Variants in RBM27 observed in about 807,000 individuals in gnomAD.
RBM27 encodes the protein RNA binding motif protein 27, also known as RNA-binding protein 27.
In RBM27, 22 loss-of-function variants were observed where a neutral mutation model predicts 135.3. The observed-to-expected ratio is 0.16, with a 90% CI of 0.12 to 0.23. RBM27 has a LOEUF of 0.23. RBM27 is among the 10% of genes least tolerant of loss of function. RBM27 has a pLI of 1.00. For synonymous variants in RBM27, 481 were observed against 442.4 expected (o/e 1.09, Z -1.10); for missense variants, 1,009 against 1,281.0 (o/e 0.79, Z 3.24).
chr5:146,282,430 C>T (rs113022421), intron 19 of RBM27, among the ~76,000 whole-genome samples: 7 of 152,112 alleles, frequency 4.6e-5, no homozygotes, highest in African/African-American at 1.7e-4. Context: ...TACAGTTGGC[C>T]CTTCATATGT....
intron 3 of RBM27, among the ~76,000 whole-genome samples, chr5:146,225,874 T>G (rs1756652143): frequency 6.6e-6 from 1 of 151,012 alleles, no homozygotes; most frequent in Non-Finnish European, 1.5e-5. Flanking sequence ...ACCTTTCTGG[T>G]TTTTTTTAGA....
chr5:146,262,707 C>A (rs897996736), intron 13 of RBM27, among the ~76,000 whole-genome samples: 1 of 152,182 alleles, frequency 6.6e-6, no homozygotes, highest in Non-Finnish European at 1.5e-5. Context: ...GTGAATGCTT[C>A]CCCTAGATGT....
chr5:146,252,599 A>G (rs1419021843), intron 9 of RBM27, among the ~76,000 whole-genome samples: 2 of 152,214 alleles, frequency 1.3e-5, no homozygotes, highest in Non-Finnish European at 2.9e-5. Context: ...CTTTTTAATC[A>G]TAATTTGCTA....
At chr5:146,243,846 T>C (rs187717238) in intron 8 of RBM27, among the ~76,000 whole-genome samples, 49 of 152,186 alleles carry the variant, frequency 3.2e-4, no homozygotes, top group Admixed American at 2.9e-3. Flanking sequence ...GGACCCAAAG[T>C]AAACACAGAA....
At chr5:146,210,438 A>C (rs1190482917) in intron 1 of RBM27, among the ~76,000 whole-genome samples, 1 of 152,148 alleles carries the variant, frequency 6.6e-6, no homozygotes, top group African/African-American at 2.4e-5. Context: ...GCCCCTAATT[A>C]CTTAAGGGGA....
intron 19 of RBM27, among the ~76,000 whole-genome samples, chr5:146,282,754 A>G (rs1201891522): frequency 6.6e-6 from 1 of 152,234 alleles, no homozygotes; most frequent in Non-Finnish European, 1.5e-5. Flanking sequence ...CCAAGTGATG[A>G]CTGTATGTGG....
intron 3 of RBM27, among the ~76,000 whole-genome samples, chr5:146,226,717 C>A (rs1276704765): frequency 6.6e-6 from 1 of 151,874 alleles, no homozygotes; most frequent in Non-Finnish European, 1.5e-5. Context: ...TAAAAAAAAA[C>A]AAAACTGTTA....
At chr5:146,271,749 A>G (rs1200618888) in intron 19 of RBM27, 75 bp downstream of exon 19, 4 of 1,302,790 alleles carry the variant, frequency 3.1e-6, no homozygotes, top group Non-Finnish European at 4.2e-6. Flanking sequence ...GTGTCTATAA[A>G]TGTCAGATGT....
At chr5:146,218,720 A>T (rs17429180) in intron 1 of RBM27, among the ~76,000 whole-genome samples, 31,894 of 152,168 alleles carry the variant, frequency 0.21, 4,259 homozygotes, top group Admixed American at 0.33. Flanking sequence ...TTGAGAGAAC[A>T]AATAAATGTA....
intron 1 of RBM27, among the ~76,000 whole-genome samples, chr5:146,207,044 C>G (rs2126664045): frequency 6.6e-6 from 1 of 152,118 alleles, no homozygotes; most frequent in South Asian, 2.1e-4. Flanking sequence ...AAATGATATG[C>G]TAAAGTGGGT....
chr5:146,227,572 A>C (rs530810152), intron 3 of RBM27, among the ~76,000 whole-genome samples: 151 of 152,262 alleles, frequency 9.9e-4, no homozygotes, highest in Non-Finnish European at 1.5e-3. Context: ...AACTCTTGCA[A>C]ATAACTTTAT....
At chr5:146,263,738 G>A in intron 14 of RBM27, 107 bp downstream of exon 14, 1 of 1,268,332 alleles carries the variant, frequency 7.9e-7, no homozygotes, top group Middle Eastern at 2.0e-4. Flanking sequence ...GTTAACCTAA[G>A]TGTGGCAGGT....
chr5:146,223,445 C>G lies in RBM27; in HGVS notation c.221C>G (p.Thr74Ser). The G allele has an allele frequency of 1.2e-6, 2 of 1,609,972 alleles. No homozygotes were observed. Residue 74 changes from threonine to serine, a missense_variant, in exon 3 of 21, where the codon ACT (threonine) becomes AGT (serine). Transcript: ENST00000265271. ...GACAAACTATTTGAAAGTCTCTATA[C>G]TAAGAACTACCTTCCACTTTTGGAA... ...FVDKLFESLY[T>S]KNYLPLLEPV...
chr5:146,275,897 C>T (rs1225364699), intron 19 of RBM27, among the ~76,000 whole-genome samples: 4 of 152,104 alleles, frequency 2.6e-5, no homozygotes, highest in Non-Finnish European at 2.9e-5. Flanking sequence ...TCCTTCTTTT[C>T]AAGAAGTCTA....
In RBM27 at chr5:146,230,712, T is replaced by C; in HGVS notation, c.645T>C (p.Tyr215=). The C allele has an allele frequency of 6.2e-7, 1 of 1,613,986 alleles. No homozygotes were observed. Among genetic ancestry groups the C allele is most frequent in the African/African-American group, 1.3e-5 (1 of 75,044 alleles). Residue 215 remains tyrosine (Y), a synonymous_variant, in exon 6 of 21, where the codon TAT becomes TAC. Transcript: ENST00000265271. The part of the protein sequence containing the change: ...KSERNDLESS[Y]VPVSAPPPNS... ...AAAGGAATGACCTGGAGAGTTCCTA[T>C]GTGCCTGTGTCTGCACCACCTCCAA...
intron 19 of RBM27, among the ~76,000 whole-genome samples, chr5:146,281,361 A>G: frequency 6.6e-6 from 1 of 152,116 alleles, no homozygotes; most frequent in East Asian, 1.9e-4. Flanking sequence ...AATCAGTAAC[A>G]TATATTAAAT....
intron 3 of RBM27, among the ~76,000 whole-genome samples, chr5:146,225,131 T>G (rs191068847): frequency 1.3e-5 from 2 of 152,214 alleles, no homozygotes; most frequent in East Asian, 1.9e-4. Flanking sequence ...AAAAAAGTTT[T>G]TTGTTGTTGT....
chr5:146,238,499 C>A (rs1757264679), intron 8 of RBM27, among the ~76,000 whole-genome samples: 1 of 152,170 alleles, frequency 6.6e-6, no homozygotes, highest in African/African-American at 2.4e-5. Flanking sequence ...CAGAGCAAAA[C>A]TCCGTCTCAG....
At chr5:146,264,813 T>G (rs971512881) in intron 14 of RBM27, among the ~76,000 whole-genome samples, 1 of 151,298 alleles carries the variant, frequency 6.6e-6, no homozygotes. Context: ...CAAATAGGAG[T>G]TTATTATATA....
Sources: gnomAD v4.1 joint callset for allele counts (sites outside exome capture counted in the v4.1 genomes callset) on GRCh38, gnomAD v4.1.1 for gene constraint, MANE v1.5 for transcripts, NCBI Gene and HGNC (gene_info 2026-07-23, HGNC 2026-07-21) for gene names.